The following RNF13 variants were observed in gnomAD, a reference collection of about 807,000 sequenced individuals.
RNF13 encodes the protein ring finger protein 13.
In RNF13, 19 loss-of-function variants were observed where a neutral mutation model predicts 37.7. The observed-to-expected ratio is 0.50, with a 90% CI of 0.35 to 0.74. The LOEUF is 0.74. Among genes scored for constraint, RNF13 ranks in the 30% least tolerant of loss-of-function variants. RNF13 has a pLI of 0.01. For synonymous variants in RNF13, 144 were observed against 157.8 expected, an observed-to-expected ratio of 0.91 and a Z score of 0.65; for missense variants, 375 against 453.0, an observed-to-expected ratio of 0.83 and a Z score of 1.56.
chr3:149,840,407 T>C (rs1030465567), intron 1 of RNF13, among the ~76,000 whole-genome samples: 2 of 152,170 alleles, frequency 1.3e-5, no homozygotes, highest in African/African-American at 4.8e-5. Flanking sequence ...TTATATTCTG[T>C]CTTTGGTAAT....
intron 3 of RNF13, among the ~76,000 whole-genome samples, chr3:149,867,874 TG>T (rs1711539521): frequency 6.6e-6 from 1 of 151,882 alleles, no homozygotes; most frequent in Admixed American, 6.6e-5. Flanking sequence ...TGTCTTCCTT[TG>T]TGGTTATTTT....
chr3:149,855,090 A>G lies in RNF13; in HGVS notation c.195+2494A>G, dbSNP rs139608924. Among the ~76,000 whole-genome samples the G allele has an allele frequency of 5.9e-5, 9 of 152,250 alleles. No individual in the cohort carries two copies. In the East Asian group the frequency reaches 1.7e-3, roughly 29 times the overall value. ...TGCAGTCCCAGCACTTTGGGAGGCC[A>G]AGGTGGGTAGATCACTTCAGGTCAA... is the stretch of plus-strand genomic sequence containing the variant. On this transcript the variant is annotated intron_variant, in intron 3 of 9. Transcript: ENST00000392894.
At chr3:149,879,220 T>A (rs2108456914) in intron 4 of RNF13, among the ~76,000 whole-genome samples, 1 of 152,312 alleles carries the variant, frequency 6.6e-6, no homozygotes, top group South Asian at 2.1e-4. Context: ...TGAATTTCTG[T>A]GTACTCAATA....
intron 2 of RNF13, among the ~76,000 whole-genome samples, chr3:149,851,942 G>C (rs1375889497): frequency 6.6e-6 from 1 of 152,124 alleles, no homozygotes; most frequent in Non-Finnish European, 1.5e-5. Context: ...TGTGTGGAAG[G>C]GGGAAAATTG....
chr3:149,927,013 A>G (rs898410218), intron 8 of RNF13, among the ~76,000 whole-genome samples: 9 of 152,246 alleles, frequency 5.9e-5, no homozygotes, highest in African/African-American at 2.2e-4. Flanking sequence ...CAGAATACAC[A>G]CAGCATAAAA....
chr3:149,844,196 C>T (rs1022314197), intron 1 of RNF13, among the ~76,000 whole-genome samples: 5 of 152,156 alleles, frequency 3.3e-5, no homozygotes, highest in Non-Finnish European at 7.3e-5. Context: ...TTCAGTGATT[C>T]ACTAGGAGCA....
chr3:149,884,056 A>G (rs763313905), intron 4 of RNF13, among the ~76,000 whole-genome samples: 37 of 152,136 alleles, frequency 2.4e-4, no homozygotes, highest in Non-Finnish European at 4.7e-4. Context: ...GCTGCATAGT[A>G]TTCCATGGTG....
chr3:149,879,091 A>G (rs905472770), intron 4 of RNF13, among the ~76,000 whole-genome samples: 8 of 152,186 alleles, frequency 5.3e-5, no homozygotes, highest in Non-Finnish European at 2.9e-5. Context: ...ACCATCCAGT[A>G]TCTGTATTAT....
At chr3:149,959,643 A>G (rs151218692) in intron 8 of RNF13, among the ~76,000 whole-genome samples, 2,128 of 152,292 alleles carry the variant, frequency 0.014, 51 homozygotes, top group African/African-American at 0.049. Flanking sequence ...ACTCATTTCA[A>G]TTCTGTTTTT....
intron 3 of RNF13, among the ~76,000 whole-genome samples, chr3:149,862,035 C>A (rs995824198): frequency 6.6e-6 from 1 of 152,046 alleles, no homozygotes; most frequent in African/African-American, 2.4e-5. Flanking sequence ...TTCATGCCTT[C>A]ATTTTATGCA....
chr3:149,848,468 A>G (rs1186493738), intron 2 of RNF13, among the ~76,000 whole-genome samples: 1 of 152,214 alleles, frequency 6.6e-6, no homozygotes, highest in Non-Finnish European at 1.5e-5. Context: ...TGGATGTGTG[A>G]CAATCATTCA....
chr3:149,851,546 A>T (rs777680151), intron 2 of RNF13: 1 of 152,148 alleles, frequency 6.6e-6, no homozygotes, highest in Non-Finnish European at 1.5e-5. Context: ...ATCTTTTCTT[A>T]TCTATATATA....
At chr3:149,894,897 A>C (rs1364625210) in intron 4 of RNF13, among the ~76,000 whole-genome samples, 1 of 152,158 alleles carries the variant, frequency 6.6e-6, no homozygotes, top group Non-Finnish European at 1.5e-5. Context: ...CATGTAAAAA[A>C]ATTCTGCCAC....
intron 2 of RNF13, among the ~76,000 whole-genome samples, chr3:149,850,438 A>T (rs538925008): frequency 4.6e-5 from 7 of 152,344 alleles, no homozygotes; most frequent in African/African-American, 1.7e-4. Context: ...AATATGAAAC[A>T]ATCCTTATTT....
chr3:149,940,613 G>A (rs1275251106), intron 8 of RNF13, among the ~76,000 whole-genome samples: 1 of 152,018 alleles, frequency 6.6e-6, no homozygotes, highest in African/African-American at 2.4e-5. Context: ...AGTCAGTTCT[G>A]TGGGCAAAAA....
intron 4 of RNF13, among the ~76,000 whole-genome samples, chr3:149,892,422 T>C (rs1714806427): frequency 6.6e-6 from 1 of 152,198 alleles, no homozygotes; most frequent in Non-Finnish European, 1.5e-5. Flanking sequence ...GAAAGATTAT[T>C]ACTTTGTCTC....
At chr3:149,940,656 T>A (rs1720154141) in intron 8 of RNF13, among the ~76,000 whole-genome samples, 1 of 152,166 alleles carries the variant, frequency 6.6e-6, no homozygotes, top group African/African-American at 2.4e-5. Context: ...AAGTTTTTAT[T>A]TTTTCTTCAC....
chr3:149,929,128 A>G (rs895835145), intron 8 of RNF13, among the ~76,000 whole-genome samples: 12 of 152,176 alleles, frequency 7.9e-5, no homozygotes, highest in African/African-American at 2.2e-4. Context: ...TCACACTACT[A>G]TAAGAAATAC....
At chr3:149,838,082 A>C (rs972122949) in intron 1 of RNF13, among the ~76,000 whole-genome samples, 1 of 152,220 alleles carries the variant, frequency 6.6e-6, no homozygotes, top group African/African-American at 2.4e-5. Context: ...TTAAAGCTCC[A>C]AAATGATCTC....
Sources: gnomAD v4.1 joint callset for allele counts (sites outside exome capture counted in the v4.1 genomes callset) on GRCh38, gnomAD v4.1.1 for gene constraint, MANE v1.5 for transcripts, NCBI Gene and HGNC (gene_info 2026-07-23, HGNC 2026-07-21) for gene names.